Variants in NCKAP5 observed in about 807,000 individuals in gnomAD.
NCKAP5 encodes NCK associated protein 5.
Under a neutral mutation model 167.0 loss-of-function variants are expected in NCKAP5, and 92 were observed. The observed-to-expected ratio is 0.55, with a 90% CI of 0.47 to 0.66. NCKAP5 has a LOEUF of 0.66. NCKAP5 is among the 30% of genes least tolerant of loss of function. The probability of loss-of-function intolerance (pLI) is 0.00; values close to 1 mark genes in which losing one functional copy is unlikely to be tolerated. For synonymous variants in NCKAP5, 891 were observed against 877.4 expected (o/e 1.02, Z -0.27); for missense variants, 2,378 against 2,315.0 (o/e 1.03, Z -0.56).
intron 8 of NCKAP5, among the ~76,000 whole-genome samples, chr2:132,902,898 C>T (rs999136920): frequency 6.6e-6 from 1 of 152,194 alleles, no homozygotes; most frequent in African/African-American, 2.4e-5. Flanking sequence ...GCCACATGCC[C>T]AGTCCTGTGT....
At chr2:133,261,317 A>G (rs1333606999) in intron 4 of NCKAP5, among the ~76,000 whole-genome samples, 1 of 152,222 alleles carries the variant, frequency 6.6e-6, no homozygotes. Context: ...ATCTCATAGG[A>G]TAACTCTCTC....
intron 10 of NCKAP5, among the ~76,000 whole-genome samples, chr2:132,864,412 G>A (rs1450188935): frequency 6.6e-6 from 1 of 151,956 alleles, no homozygotes; most frequent in Admixed American, 6.6e-5. Flanking sequence ...TGTTTTCCTT[G>A]CACTCTTCAT....
chr2:133,461,191 G>A (rs565492250), intron 3 of NCKAP5, among the ~76,000 whole-genome samples: 1 of 152,190 alleles, frequency 6.6e-6, no homozygotes, highest in East Asian at 1.9e-4. Flanking sequence ...TGGGAGGAAG[G>A]ACCTCCAAAT....
rs181739468 is a variant in NCKAP5 at position 133,402,652 on chromosome 2, C to T, written c.70-99542G>A. 9.2e-5 allele frequency among the ~76,000 whole-genome samples: 14 copies of T among 152,078 alleles called. No homozygotes were observed. The South Asian group carries it at 2.3e-3, about 25-fold the overall frequency. ...TCTCATTCTGAGTTCATATGGGATC[C>T]GGTTGTTTAAAAGAGCCTGGCACTT... On this transcript the variant is annotated intron_variant, in intron 3 of 19. Transcript: ENST00000409261.
intron 8 of NCKAP5, among the ~76,000 whole-genome samples, chr2:132,949,003 T>TTAAAAGAAAA (rs1553487801): frequency 0.092 from 12,051 of 130,322 alleles, 652 homozygotes; most frequent in South Asian, 0.13. Flanking sequence ...TCCAGAGAAA[T>TTAAAAGAAAA]GAAAAGAAAA....
intron 3 of NCKAP5, among the ~76,000 whole-genome samples, chr2:133,415,471 G>C (rs1400661317): frequency 6.6e-6 from 1 of 152,192 alleles, no homozygotes; most frequent in African/African-American, 2.4e-5. Flanking sequence ...CAAGTTTTCT[G>C]CTGCAAGCCT....
At chr2:133,670,733 C>T in the NCKAP5 span, among the ~76,000 whole-genome samples, 1 of 152,138 alleles carries the variant, frequency 6.6e-6, no homozygotes, top group Non-Finnish European at 1.5e-5. Flanking sequence ...TCACTAACTC[C>T]CTCATAGCTT....
At chr2:133,655,738 G>A in the NCKAP5 span, among the ~76,000 whole-genome samples, 4 of 152,348 alleles carry the variant, frequency 2.6e-5, no homozygotes, top group African/African-American at 9.6e-5. Context: ...ATTAAAAGCA[G>A]CTGCTGAAAC....
At chr2:133,012,200 A>G (rs992414036) in intron 6 of NCKAP5, among the ~76,000 whole-genome samples, 1 of 152,176 alleles carries the variant, frequency 6.6e-6, no homozygotes, top group Non-Finnish European at 1.5e-5. Context: ...ATGAACCTCA[A>G]CAACTAACTT....
intron 3 of NCKAP5, among the ~76,000 whole-genome samples, chr2:133,388,196 A>G (rs1687135761): frequency 6.6e-6 from 1 of 152,034 alleles, no homozygotes; most frequent in Non-Finnish European, 1.5e-5. Context: ...GTCTTTGATG[A>G]TGGTGACGTA....
intron 5 of NCKAP5, among the ~76,000 whole-genome samples, chr2:133,189,886 C>T (rs1163900669): frequency 6.6e-6 from 1 of 152,126 alleles, no homozygotes; most frequent in African/African-American, 2.4e-5. Context: ...CCCTCTCTCA[C>T]CACTCCTATT....
intron 5 of NCKAP5, among the ~76,000 whole-genome samples, chr2:133,188,565 A>G (rs1334784682): frequency 6.6e-6 from 1 of 152,100 alleles, no homozygotes; most frequent in East Asian, 1.9e-4. Flanking sequence ...GTAACAGAAA[A>G]GAAATTATAA....
At chr2:133,133,741 G>A (rs374413976) in intron 5 of NCKAP5, among the ~76,000 whole-genome samples, 1 of 152,188 alleles carries the variant, frequency 6.6e-6, no homozygotes, top group Admixed American at 6.5e-5. Context: ...TTTACAAAAT[G>A]TGTCCACCTT....
At position 133,457,565 on chromosome 2, in the gene NCKAP5, AG is replaced by A. The variant is rs1691939266; in HGVS notation, c.69+59892del. On this transcript the variant is annotated intron_variant, in intron 3 of 19. Coordinates refer to ENST00000409261, the MANE Select transcript of NCKAP5 (RefSeq NM_207363.3). ...ATTTAAGATGGGAAGAGAAATTATA[AG>A]GTAATTATTTTTAGACAGTCTGAAG... Among the ~76,000 whole-genome samples the A allele has an allele frequency of 2.0e-5, 3 of 152,308 alleles. No individual in the cohort carries two copies. In the South Asian group the frequency reaches 6.2e-4, roughly 32 times the overall value.
chr2:133,490,506 G>C (rs1681346479), intron 3 of NCKAP5, among the ~76,000 whole-genome samples: 2 of 152,160 alleles, frequency 1.3e-5, no homozygotes, highest in Admixed American at 1.3e-4. Context: ...TTAAATCCCA[G>C]AGCATCTCTA....
chr2:133,548,377 A>G (rs1012501349), intron 2 of NCKAP5, among the ~76,000 whole-genome samples: 19 of 152,172 alleles, frequency 1.2e-4, no homozygotes, highest in Non-Finnish European at 2.4e-4. Flanking sequence ...AATACAGAGA[A>G]TGCCACAAAG....
intron 10 of NCKAP5, among the ~76,000 whole-genome samples, chr2:132,861,149 C>T (rs920260212): frequency 6.6e-6 from 1 of 152,018 alleles, no homozygotes; most frequent in Non-Finnish European, 1.5e-5. Context: ...TTTAAAAGGC[C>T]ACTTGCCACT....
chr2:132,750,272 A>G (rs1176860563), intron 16 of NCKAP5, among the ~76,000 whole-genome samples: 3 of 152,188 alleles, frequency 2.0e-5, no homozygotes, highest in Non-Finnish European at 4.4e-5. Context: ...AAATTTGATG[A>G]GAAGATGCAA....
At chr2:133,134,346 T>C (rs1243630545) in intron 5 of NCKAP5, among the ~76,000 whole-genome samples, 1 of 152,212 alleles carries the variant, frequency 6.6e-6, no homozygotes, top group African/African-American at 2.4e-5. Context: ...ACTGAACACA[T>C]GGCTGCCAAT....
Sources: allele counts gnomAD v4.1 joint callset (sites outside exome capture counted in the v4.1 genomes callset), GRCh38; gene constraint gnomAD v4.1.1; transcripts MANE v1.5; gene names NCBI Gene and HGNC (gene_info 2026-07-23, HGNC 2026-07-21).